Variants in SYT12 observed in about 807,000 individuals in gnomAD.
SYT12 encodes the protein synaptotagmin 12.
A neutral mutation model predicts 39.5 loss-of-function variants in SYT12; 27 were observed. The ratio of observed to expected loss-of-function variants is 0.68; its 90% CI spans 0.50 to 0.94. The LOEUF is 0.94. Ranked by LOEUF, SYT12 falls within the 40% of genes least tolerant of loss-of-function variation. SYT12 has a pLI of 0.00. For synonymous variants in SYT12, 233 were observed against 239.7 expected (o/e 0.97, Z 0.26); for missense variants, 536 against 572.6 (o/e 0.94, Z 0.65).
intron 4 of SYT12, among the ~76,000 whole-genome samples, chr11:67,041,335 G>T (rs1258858963): frequency 4.6e-5 from 7 of 152,138 alleles, no homozygotes; most frequent in Non-Finnish European, 4.4e-5. Flanking sequence ...AGCAGGGCAT[G>T]TGGTGCACAC....
intron 3 of SYT12, among the ~76,000 whole-genome samples, chr11:67,037,312 T>C (rs1423634689): frequency 1.3e-5 from 2 of 152,140 alleles, no homozygotes; most frequent in African/African-American, 2.4e-5. Context: ...AGTACTGCAG[T>C]ATTTGTATTT....
chr11:67,019,045 AAG>A (rs1367681211), upstream of SYT12, among the ~76,000 whole-genome samples: 1 of 152,166 alleles, frequency 6.6e-6, no homozygotes, highest in Non-Finnish European at 1.5e-5. Context: ...TTTATAAAGA[AAG>A]AGAGGTTTAA....
intron 1 of SYT12, among the ~76,000 whole-genome samples, chr11:67,008,406 T>C (rs948799743): frequency 1.1e-4 from 17 of 152,214 alleles, no homozygotes; most frequent in Non-Finnish European, 2.1e-4. Context: ...TCTTTTTTTT[T>C]AGAGACAAGT....
Position 67,039,869 on chromosome 11 carries a change from G to C in SYT12, c.287G>C (p.Gly96Ala). The C allele has an allele frequency of 6.2e-7, 1 of 1,613,484 alleles. No individual in the cohort carries two copies. ...ACGCGGGGACCACCCAGCCGCAAAG[G>C]CAGTCTCAGCATTGAGGACACCTTT... ...ASTRGPPSRK[G>A]SLSIEDTFES... Residue 96 changes from glycine (G) to alanine (A), a missense_variant, in exon 4 of 8, where the codon GGC becomes GCC. Coordinates refer to ENST00000527043, the MANE Select transcript of SYT12 (RefSeq NM_177963.4).
At chr11:67,040,950 G>A (rs574308758) in intron 4 of SYT12, among the ~76,000 whole-genome samples, 1 of 152,038 alleles carries the variant, frequency 6.6e-6, no homozygotes, top group Non-Finnish European at 1.5e-5. Context: ...GCCTAACCAG[G>A]AGTTCAAGGC....
chr11:67,044,298 C>T (rs1047264315), intron 5 of SYT12, among the ~76,000 whole-genome samples: 3 of 152,288 alleles, frequency 2.0e-5, no homozygotes, highest in Admixed American at 6.5e-5. Flanking sequence ...AATGAGGGAA[C>T]GAAACTACAT....
chr11:67,016,673 G>T (rs936696336), intron 3 of SYT12, among the ~76,000 whole-genome samples: 1 of 152,190 alleles, frequency 6.6e-6, no homozygotes, highest in African/African-American at 2.4e-5. Flanking sequence ...TGGCATGATG[G>T]GATGCGGTGC....
chr11:67,048,501 G>C, intron 7 of SYT12, 83 bp from the exon 8 acceptor site: 1 of 1,491,822 alleles, frequency 6.7e-7, no homozygotes, highest in East Asian at 2.3e-5. Flanking sequence ...ACTGGGGCCT[G>C]ACATTTGTAA....
chr11:67,035,229 G>A (rs1950336342), intron 3 of SYT12, among the ~76,000 whole-genome samples: 1 of 151,244 alleles, frequency 6.6e-6, no homozygotes, highest in African/African-American at 2.4e-5. Context: ...GGCTGGTGTC[G>A]AACTCCTGAC....
rs1373324860 is a variant in SYT12 at position 67,033,711 on chromosome 11, T to C, written c.35-934T>C. ...GACAGACGCAGTACTAAGAGCAGTT[T>C]AGAGAACTGTATTTGCCAGCACTGT... On this transcript the variant is annotated intron_variant, in intron 2 of 7. Transcript: ENST00000527043. Among the ~76,000 whole-genome samples, 4 of 152,344 alleles carry C rather than the reference T, an allele frequency of 2.6e-5. No individual in the cohort carries two copies. In the East Asian group the frequency reaches 7.7e-4, roughly 29 times the overall value.
chr11:67,047,730 G>A (rs900416490), intron 7 of SYT12, among the ~76,000 whole-genome samples: 3 of 142,054 alleles, frequency 2.1e-5, no homozygotes, highest in African/African-American at 5.2e-5. Context: ...ATCACCTGAG[G>A]TCAGGAGTTC....
chr11:67,044,608 G>A lies in SYT12; in HGVS notation c.853G>A (p.Gly285Arg), dbSNP rs1950576184. ...TGTCCCCCAGGCCGCCGATGCTGTG[G>A]GGGAGATCCTGCTCTCCCTCAGCTA... ...QDQNKAADAVGEILLSLSYLP... is the reference protein window; with the variant it reads ...QDQNKAADAVREILLSLSYLP... Residue 285 changes from glycine (G) to arginine (R), a missense_variant, in exon 6 of 8, where the codon GGG becomes AGG. Gly to Arg is a moderately radical substitution (Grantham distance 125). Coordinates refer to ENST00000527043, the MANE Select transcript of SYT12 (RefSeq NM_177963.4). 7.4e-6 allele frequency: 12 copies of A among 1,613,120 alleles called. No homozygotes were observed. The highest frequency in any genetic ancestry group is 1.3e-5 in the African/African-American group (1 of 75,062).
At chr11:67,037,037 C>G (rs747378216) in intron 3 of SYT12, among the ~76,000 whole-genome samples, 1 of 152,196 alleles carries the variant, frequency 6.6e-6, no homozygotes, top group Non-Finnish European at 1.5e-5. Flanking sequence ...CACGCCATTG[C>G]ACTCCAAGCC....
chr11:67,009,327 T>A (rs1345473780), intron 1 of SYT12, among the ~76,000 whole-genome samples: 1 of 152,022 alleles, frequency 6.6e-6, no homozygotes, highest in African/African-American at 2.4e-5. Flanking sequence ...TTTTTTCTTT[T>A]TTTTGAAAAA....
chr11:67,021,814 C>T (rs1332273900), upstream of SYT12: 2 of 152,212 alleles, frequency 1.3e-5, no homozygotes, highest in African/African-American at 4.8e-5. Flanking sequence ...GCTCAGGGCC[C>T]ATTACCCAGG....
chr11:67,043,240 C>A (rs534434453), intron 4 of SYT12, among the ~76,000 whole-genome samples: 8 of 152,316 alleles, frequency 5.3e-5, no homozygotes, highest in Admixed American at 5.2e-4. Context: ...TCTGCAGGAA[C>A]CTGGGACGTC....
At chr11:67,015,710 CAT>C (rs1043388103) in intron 3 of SYT12, among the ~76,000 whole-genome samples, 1 of 152,174 alleles carries the variant, frequency 6.6e-6, no homozygotes, top group African/African-American at 2.4e-5. Context: ...GGGTTTGGGA[CAT>C]GTGTGACACT....
intron 2 of SYT12, chr11:67,030,887 A>C (rs1471710074): frequency 2.0e-5 from 3 of 152,310 alleles, no homozygotes. Flanking sequence ...TCATTCACAG[A>C]TGGGAGAAGT....
At chr11:67,038,472 A>AC (rs968073978) in intron 3 of SYT12, among the ~76,000 whole-genome samples, 1 of 151,898 alleles carries the variant, frequency 6.6e-6, no homozygotes, top group African/African-American at 2.4e-5. Flanking sequence ...CCAAGGGAAA[A>AC]AAAAATTAAT....
Sources: allele counts gnomAD v4.1 joint callset (sites outside exome capture counted in the v4.1 genomes callset), GRCh38; gene constraint gnomAD v4.1.1; transcripts MANE v1.5; gene names NCBI Gene and HGNC (gene_info 2026-07-23, HGNC 2026-07-21).